The following ADGB variants were observed in gnomAD, a reference collection of about 807,000 sequenced individuals.
The protein encoded by ADGB is androglobin.
A neutral mutation model predicts 210.5 loss-of-function variants in ADGB; 172 were observed. The observed-to-expected ratio is 0.82, with a 90% CI of 0.72 to 0.93. ADGB has a LOEUF of 0.93. Ranked by LOEUF, ADGB falls within the 40% of genes least tolerant of loss-of-function variation. ADGB has a pLI of 0.00. For missense variants in ADGB, 2,025 were observed against 1,964.8 expected, an observed-to-expected ratio of 1.03 and a Z score of -0.58; for synonymous variants, 658 against 662.7, an observed-to-expected ratio of 0.99 and a Z score of 0.11.
intron 29 of ADGB, among the ~76,000 whole-genome samples, 182 bp from the exon 30 acceptor site, chr6:146,781,838 T>C (rs1438445346): frequency 1.3e-5 from 2 of 152,196 alleles, no homozygotes; most frequent in Non-Finnish European, 2.9e-5. Context: ...GTGTTTGGTA[T>C]ATGAATTATA....
chr6:146,803,740 C>T, intron 35 of ADGB: 1 of 814,536 alleles, frequency 1.2e-6, no homozygotes, highest in Non-Finnish European at 2.0e-6. Context: ...CTCATGGTAC[C>T]GCGGCGCCTC....
intron 13 of ADGB, among the ~76,000 whole-genome samples, chr6:146,705,016 A>C: frequency 6.6e-6 from 1 of 151,948 alleles, no homozygotes; most frequent in South Asian, 2.1e-4. Flanking sequence ...TCAATGTTTT[A>C]TTTTATAGTA....
intron 20 of ADGB, among the ~76,000 whole-genome samples, chr6:146,732,571 A>G (rs988946835): frequency 9.9e-6 from 1 of 100,986 alleles, no homozygotes; most frequent in Non-Finnish European, 1.9e-5. Context: ...AAAGGAAGCT[A>G]TTTTGGTAAA....
At chr6:146,726,670 A>T (rs1404303786) in intron 19 of ADGB, among the ~76,000 whole-genome samples, 1 of 152,226 alleles carries the variant, frequency 6.6e-6, no homozygotes, top group African/African-American at 2.4e-5. Context: ...TCTATAATGA[A>T]GTCTGAACCC....
chr6:146,775,802 A>G (rs1385630122), intron 29 of ADGB, among the ~76,000 whole-genome samples: 2 of 151,838 alleles, frequency 1.3e-5, no homozygotes, highest in Admixed American at 1.3e-4. Flanking sequence ...ACATTATTAA[A>G]TACATGTTAT....
At chr6:146,691,896 C>A (rs535180663) in intron 11 of ADGB, among the ~76,000 whole-genome samples, 1 of 151,924 alleles carries the variant, frequency 6.6e-6, no homozygotes, top group African/African-American at 2.4e-5. Flanking sequence ...CTTCTTCCTC[C>A]TTCCATCCCT....
intron 25 of ADGB, among the ~76,000 whole-genome samples, chr6:146,745,166 A>G (rs1393155710): frequency 6.6e-6 from 1 of 152,202 alleles, no homozygotes. Context: ...AAATCTAAAC[A>G]TACCAGAGAG....
intron 15 of ADGB, 65 bp from the exon 16 acceptor site, chr6:146,717,471 C>G: frequency 1.2e-6 from 1 of 859,874 alleles, no homozygotes; most frequent in South Asian, 1.9e-5. Flanking sequence ...TTATAAGAAA[C>G]TTAACATGTA....
intron 35 of ADGB, among the ~76,000 whole-genome samples, chr6:146,804,273 A>ACTC (rs1778178105): frequency 6.6e-6 from 1 of 151,858 alleles, no homozygotes; most frequent in African/African-American, 2.4e-5. Context: ...ACACGCACAC[A>ACTC]CTCCTACACA....
intron 26 of ADGB, among the ~76,000 whole-genome samples, chr6:146,750,780 A>G (rs975312395): frequency 1.3e-5 from 2 of 152,128 alleles, no homozygotes; most frequent in East Asian, 3.9e-4. Context: ...TTTCCAAACT[A>G]TTGGTGAGGG....
At chr6:146,749,253 T>C (rs918601386) in intron 26 of ADGB, among the ~76,000 whole-genome samples, 1 of 152,148 alleles carries the variant, frequency 6.6e-6, no homozygotes, top group Non-Finnish European at 1.5e-5. Flanking sequence ...AGTTTTTAAA[T>C]GTGGTGGTCT....
chr6:146,644,640 C>G (rs1451478235), intron 2 of ADGB, 133 bp from the exon 3 acceptor site: 6 of 509,472 alleles, frequency 1.2e-5, no homozygotes, highest in African/African-American at 9.9e-5. Context: ...TTAGCTCTTA[C>G]AACAAGAACA....
intron 9 of ADGB, among the ~76,000 whole-genome samples, chr6:146,679,753 CTAAA>C (rs1776131890): frequency 6.6e-6 from 1 of 152,080 alleles, no homozygotes; most frequent in Non-Finnish European, 1.5e-5. Flanking sequence ...ACTTTTTTCT[CTAAA>C]TAACTACATT....
At chr6:146,707,963 T>G (rs1776599490) in intron 13 of ADGB, among the ~76,000 whole-genome samples, 1 of 152,054 alleles carries the variant, frequency 6.6e-6, no homozygotes, top group Non-Finnish European at 1.5e-5. Flanking sequence ...TTTTTAGTGG[T>G]TTGCTTTGAT....
intron 24 of ADGB, 58 bp from the exon 25 acceptor site, chr6:146,741,060 T>TG: frequency 7.4e-7 from 1 of 1,360,214 alleles, no homozygotes; most frequent in Non-Finnish European, 9.6e-7. Flanking sequence ...TTAATGCAAA[T>TG]TTCAAACTTC....
intron 12 of ADGB, among the ~76,000 whole-genome samples, chr6:146,697,319 C>T (rs940550176): frequency 6.6e-6 from 1 of 152,104 alleles, no homozygotes; most frequent in African/African-American, 2.4e-5. Flanking sequence ...ATTTTTAATG[C>T]AGCAATAGGT....
At chr6:146,639,563 G>A (rs1490455519) in intron 2 of ADGB, 1 of 151,934 alleles carries the variant, frequency 6.6e-6, no homozygotes, top group Non-Finnish European at 1.5e-5. Context: ...CACCCAAATA[G>A]GAAGAAAGGA....
chr6:146,614,219 CCCTTCCTTCCTTCCTTCCTTCCTT>C (rs57639198), intron 1 of ADGB, among the ~76,000 whole-genome samples: 5 of 48,516 alleles, frequency 1.0e-4, no homozygotes, highest in South Asian at 6.8e-4. Context: ...CTTCCTTCCT[CCCTTCCTTCCTTCCTTCCTTCCTT>C]CCTTCAACAG....
At chr6:146,699,723 G>A (rs1187108294) in intron 12 of ADGB, among the ~76,000 whole-genome samples, 1 of 141,300 alleles carries the variant, frequency 7.1e-6, no homozygotes, top group African/African-American at 2.7e-5. Flanking sequence ...TTATCTCTCA[G>A]CTAGTTGAGT....
Sources: gnomAD v4.1 joint callset for allele counts (sites outside exome capture counted in the v4.1 genomes callset) on GRCh38, gnomAD v4.1.1 for gene constraint, MANE v1.5 for transcripts, NCBI Gene and HGNC (gene_info 2026-07-23, HGNC 2026-07-21) for gene names.